The following PDE3B variants were observed in gnomAD, a reference collection of about 807,000 sequenced individuals.
PDE3B encodes the protein cGMP-inhibited 3',5'-cyclic phosphodiesterase 3B.
A neutral mutation model predicts 116.8 loss-of-function variants in PDE3B; 66 were observed. The observed-to-expected ratio is 0.56, with a 90% CI of 0.46 to 0.69. The LOEUF is 0.69. Among genes scored for constraint, PDE3B ranks in the 30% least tolerant of loss-of-function variants. PDE3B has a pLI of 0.00. For synonymous variants in PDE3B, 595 were observed against 533.6 expected, an observed-to-expected ratio of 1.12 and a Z score of -1.59; for missense variants, 1,384 against 1,368.1, an observed-to-expected ratio of 1.01 and a Z score of -0.18.
chr11:14,868,618 C>T (rs1848090065), intron 15 of PDE3B, among the ~76,000 whole-genome samples: 1 of 152,080 alleles, frequency 6.6e-6, no homozygotes, highest in Non-Finnish European at 1.5e-5. Context: ...GTTATTTGCT[C>T]ATTTTAAAGT....
intron 1 of PDE3B, chr11:14,699,428 T>C (rs1855301899): frequency 6.6e-6 from 1 of 151,820 alleles, no homozygotes; most frequent in Admixed American, 6.6e-5. Context: ...ATAAGAAAAA[T>C]GTTTAGCTGT....
Position 14,810,995 on chromosome 11 carries a change from G to A in PDE3B, c.1522+6945G>A, listed in dbSNP as rs1325738852. On this transcript the variant is annotated intron_variant, in intron 5 of 15. Transcript: ENST00000282096. ...TGAGAAGTGTCTGTTCATGTCCTTT[G>A]CCCACTTGTTGATGGGGTTGTTTGT... Among the ~76,000 whole-genome samples the A allele has an allele frequency of 1.8e-4, 27 of 151,740 alleles. No individual in the cohort carries two copies. In the South Asian group the frequency reaches 5.7e-3, roughly 32 times the overall value.
rs577780237 is a variant in PDE3B, at chr11:14,716,067, C to T, written c.979-55870C>T. On this transcript the variant is annotated intron_variant, in intron 1 of 15. Transcript: ENST00000282096. The stretch of plus-strand genomic sequence containing the variant: ...GGCGCAGGCCAGTGGGTGTGCGCAC[C>T]GTGCGCGAGCCGAAGCAGGGCGAGG... Among the ~76,000 whole-genome samples the T allele has an allele frequency of 1.2e-4, 19 of 152,144 alleles. No homozygotes were observed. The South Asian group carries it at 2.1e-3, about 17-fold the overall frequency.
chr11:14,662,020 C>A (rs941696491), intron 1 of PDE3B, among the ~76,000 whole-genome samples: 1 of 152,072 alleles, frequency 6.6e-6, no homozygotes, highest in African/African-American at 2.4e-5. Flanking sequence ...GGGTCCCTGA[C>A]CCCTGACCCC....
rs576805767 is a variant in PDE3B, at chr11:14,771,841, A to C, written c.979-96A>C. Reference sequence around the variant, plus strand: ...CAATATCTCTTCCAGATTTTGAGCTATATTAGATAATTATAATTGAAAATG... The same window carrying C: ...CAATATCTCTTCCAGATTTTGAGCTCTATTAGATAATTATAATTGAAAATG... On this transcript the variant is annotated intron_variant, in intron 1 of 15. Transcript: ENST00000282096. 17 of 477,458 alleles carry C rather than the reference A, an allele frequency of 3.6e-5. No homozygotes were observed. In the South Asian group the frequency reaches 6.0e-4, roughly 17 times the overall value. The allele number at this position is 477,458 out of a possible 1,614,324, so 29.6% of individuals were successfully genotyped here.
intron 1 of PDE3B, among the ~76,000 whole-genome samples, chr11:14,743,773 C>T (rs1320654064): frequency 1.3e-5 from 2 of 152,190 alleles, no homozygotes; most frequent in Non-Finnish European, 2.9e-5. Flanking sequence ...TGCACCATTC[C>T]TCACGGCACA....
chr11:14,860,061 A>G (rs1555006853), intron 13 of PDE3B, among the ~76,000 whole-genome samples: 1 of 152,188 alleles, frequency 6.6e-6, no homozygotes. Context: ...GGAGACCCTT[A>G]TATATGTTGC....
intron 1 of PDE3B, among the ~76,000 whole-genome samples, chr11:14,738,230 C>T (rs1400075826): frequency 1.3e-5 from 2 of 152,158 alleles, no homozygotes; most frequent in East Asian, 3.8e-4. Flanking sequence ...TTTATACTCC[C>T]ACCAACAGTG....
At position 14,757,215 on chromosome 11, in the gene PDE3B, G is replaced by A. The variant is rs557454830; in HGVS notation, c.979-14722G>A. 3.6e-3 allele frequency among the ~76,000 whole-genome samples: 546 copies of A among 151,532 alleles called. 4 individuals are homozygous for A. Among genetic ancestry groups the A allele is most frequent in the Admixed American group, 5.5e-3 (84 of 15,204 alleles). ...TCCAGTCTATCATTGTTGGACATTT[G>A]GGTCGGTTCCAAGTCTTTGCTATTG... On this transcript the variant is annotated intron_variant, in intron 1 of 15. Transcript: ENST00000282096.
chr11:14,664,744 A>G (rs975182052), intron 1 of PDE3B, among the ~76,000 whole-genome samples: 6 of 152,210 alleles, frequency 3.9e-5, no homozygotes, highest in African/African-American at 1.2e-4. Flanking sequence ...GAATAGACCA[A>G]TAACAGGCTC....
chr11:14,680,786 A>C (rs1439608295), intron 1 of PDE3B, among the ~76,000 whole-genome samples: 5 of 152,054 alleles, frequency 3.3e-5, no homozygotes, highest in African/African-American at 1.2e-4. Flanking sequence ...ACTTCAAAAA[A>C]AAAAAAGGAA....
At chr11:14,669,690 C>A (rs1854307827) in intron 1 of PDE3B, among the ~76,000 whole-genome samples, 1 of 151,502 alleles carries the variant, frequency 6.6e-6, no homozygotes, top group Non-Finnish European at 1.5e-5. Context: ...CAATTCCCAC[C>A]TATGAGTGAG....
Position 14,644,555 on chromosome 11 carries a change from C to T in PDE3B, c.480C>T (p.Cys160=). The change falls in exon 1 of 16, where the codon TGC becomes TGT. Residue 160 remains cysteine, a synonymous_variant. Transcript: ENST00000282096. ...GSWWLLALPA[C]CYLGDFLVWQ... Reference sequence around the variant, plus strand: ...GGTGGCTGCTGGCGCTGCCCGCCTGCTGTTACCTGGGGGACTTCTTGGTGT... The same window carrying T: ...GGTGGCTGCTGGCGCTGCCCGCCTGTTGTTACCTGGGGGACTTCTTGGTGT... 1 of 1,599,040 alleles carries T rather than the reference C, an allele frequency of 6.3e-7. No homozygotes were observed. Among genetic ancestry groups the T allele is most frequent in the Non-Finnish European group, 8.5e-7 (1 of 1,172,936 alleles).
At chr11:14,659,096 G>A (rs1239606349) in intron 1 of PDE3B, among the ~76,000 whole-genome samples, 2 of 152,196 alleles carry the variant, frequency 1.3e-5, no homozygotes, top group Non-Finnish European at 2.9e-5. Context: ...TCTTCAGCAG[G>A]GGAAGCTTAC....
chr11:14,891,319 AG>A, the PDE3B span: 3 of 985,274 alleles, frequency 3.0e-6, no homozygotes, highest in Admixed American at 6.2e-5. Flanking sequence ...GCGCCTTTTA[AG>A]TATCTGCTAA....
intron 1 of PDE3B, among the ~76,000 whole-genome samples, chr11:14,693,006 G>T (rs1855090481): frequency 1.3e-5 from 2 of 152,208 alleles, no homozygotes; most frequent in African/African-American, 4.8e-5. Flanking sequence ...CGCTTCTCCA[G>T]TGAACACAAA....
intron 1 of PDE3B, among the ~76,000 whole-genome samples, chr11:14,751,857 A>T (rs1857064428): frequency 6.6e-6 from 1 of 152,146 alleles, no homozygotes; most frequent in Non-Finnish European, 1.5e-5. Context: ...TTAACCTGGG[A>T]AAGTTAACTC....
chr11:14,848,061 T>G (rs1237504476), intron 12 of PDE3B, among the ~76,000 whole-genome samples: 1 of 149,964 alleles, frequency 6.7e-6, no homozygotes, highest in African/African-American at 2.5e-5. Flanking sequence ...ACCAATATCC[T>G]TGATGAACAT....
intron 2 of PDE3B, chr11:14,775,133 T>G (rs1335832315): frequency 6.6e-6 from 1 of 152,216 alleles, no homozygotes; most frequent in African/African-American, 2.4e-5. Flanking sequence ...TTTTAGCAGC[T>G]TGTTCAAAAT....
Sources: allele counts gnomAD v4.1 joint callset (sites outside exome capture counted in the v4.1 genomes callset), GRCh38; gene constraint gnomAD v4.1.1; transcripts MANE v1.5; gene names NCBI Gene and HGNC (gene_info 2026-07-23, HGNC 2026-07-21).